CSMD1: variants seen among roughly 807,000 people sequenced by gnomAD.
CSMD1 encodes the protein CUB and sushi domain-containing protein 1.
A neutral mutation model predicts 417.5 loss-of-function variants in CSMD1; 213 were observed. The ratio of observed to expected loss-of-function variants is 0.51; its 90% CI spans 0.46 to 0.57. CSMD1 has a LOEUF of 0.57. Among genes scored for constraint, CSMD1 ranks in the 20% least tolerant of loss-of-function variants. CSMD1 has a pLI of 0.00. For synonymous variants in CSMD1, 2,862 were observed against 1,736.8 expected, an observed-to-expected ratio of 1.65 and a Z score of -16.11; for missense variants, 6,923 against 4,529.7, an observed-to-expected ratio of 1.53 and a Z score of -15.17.
intron 3 of CSMD1, among the ~76,000 whole-genome samples, chr8:4,325,163 G>A (rs1008455470): frequency 5.9e-5 from 9 of 152,228 alleles, no homozygotes; most frequent in African/African-American, 9.6e-5. Flanking sequence ...GGGGAAAGAG[G>A]AGAAAAATAA....
chr8:3,675,939 C>A (rs1279908362), intron 7 of CSMD1, among the ~76,000 whole-genome samples: 1 of 152,110 alleles, frequency 6.6e-6, no homozygotes, highest in East Asian at 1.9e-4. Context: ...AGTAATGTAC[C>A]TGAGTATTAT....
chr8:4,541,465 T>C (rs1797381693), intron 2 of CSMD1, among the ~76,000 whole-genome samples: 1 of 152,128 alleles, frequency 6.6e-6, no homozygotes, highest in Non-Finnish European at 1.5e-5. Flanking sequence ...TTATCAAAAA[T>C]CGGTAGGCGT....
intron 2 of CSMD1, among the ~76,000 whole-genome samples, chr8:4,603,648 A>G (rs1328094863): frequency 2.0e-5 from 3 of 152,134 alleles, no homozygotes; most frequent in Non-Finnish European, 4.4e-5. Flanking sequence ...ATTCAAAAGT[A>G]CCTTAAAATG....
intron 7 of CSMD1, among the ~76,000 whole-genome samples, chr8:3,642,338 G>A (rs1442949169): frequency 6.6e-6 from 1 of 152,136 alleles, no homozygotes; most frequent in African/African-American, 2.4e-5. Context: ...CCACCTTGGT[G>A]CTGTGGGGAG....
intron 11 of CSMD1, among the ~76,000 whole-genome samples, chr8:3,473,190 T>C (rs59029276): frequency 0.22 from 32,980 of 152,204 alleles, 4,116 homozygotes; most frequent in Non-Finnish European, 0.27. Context: ...TACTGAACTT[T>C]GCTTTAATTT....
rs78782441 is a variant in CSMD1, at chr8:3,645,092, A to T, written c.1010-28295T>A. The stretch of plus-strand genomic sequence containing the variant: ...CCTTCTTACCATCTTGAATTGCACA[A>T]CTTCTGTCCTGAAGCCTGCTAAGGC... On this transcript the variant is annotated intron_variant, in intron 7 of 69. Transcript: ENST00000635120. Among the ~76,000 whole-genome samples the T allele has an allele frequency of 1.9e-3, 285 of 151,946 alleles. 1 individual carries two copies. Among genetic ancestry groups the T allele is most frequent in the African/African-American group, 6.6e-3 (273 of 41,390 alleles).
chr8:4,987,281 A>T (rs1811227134), intron 1 of CSMD1, among the ~76,000 whole-genome samples: 1 of 152,196 alleles, frequency 6.6e-6, no homozygotes, highest in African/African-American at 2.4e-5. Context: ...AGGCACACAA[A>T]GTTTACATAG....
intron 5 of CSMD1, among the ~76,000 whole-genome samples, chr8:3,871,505 G>A (rs1223984707): frequency 6.6e-6 from 1 of 152,006 alleles, no homozygotes; most frequent in East Asian, 1.9e-4. Context: ...ATAAACATTT[G>A]TATCTCCATA....
intron 5 of CSMD1, among the ~76,000 whole-genome samples, chr8:3,842,476 T>C (rs938776890): frequency 6.6e-6 from 1 of 152,166 alleles, no homozygotes; most frequent in Non-Finnish European, 1.5e-5. Context: ...TCATTACTAG[T>C]ATTAAATATT....
intron 18 of CSMD1, chr8:3,373,404 A>G (rs199527864): frequency 3.9e-5 from 6 of 152,346 alleles, no homozygotes; most frequent in East Asian, 3.9e-4. Context: ...TTAGATTTAT[A>G]TGGGTGCAAA....
At chr8:3,955,730 T>G (rs2688336) in intron 5 of CSMD1, among the ~76,000 whole-genome samples, 1 of 151,978 alleles carries the variant, frequency 6.6e-6, no homozygotes, top group Non-Finnish European at 1.5e-5. Context: ...GAGAACTGCC[T>G]CAAGTAAGAA....
chr8:4,127,445 G>C (rs1437622729), intron 3 of CSMD1, among the ~76,000 whole-genome samples: 8 of 97,136 alleles, frequency 8.2e-5, no homozygotes, highest in African/African-American at 3.0e-4. Flanking sequence ...AGTTTTCCAA[G>C]CATTAATGAA....
chr8:3,129,569 G>A (rs559820373), intron 41 of CSMD1, among the ~76,000 whole-genome samples: 1 of 151,270 alleles, frequency 6.6e-6, no homozygotes, highest in East Asian at 2.0e-4. Flanking sequence ...GAGGTCAGGA[G>A]TTCAAGACCA....
chr8:3,306,394 G>A (rs75354003), intron 25 of CSMD1, among the ~76,000 whole-genome samples: 3,711 of 152,170 alleles, frequency 0.024, 55 homozygotes, highest in Middle Eastern at 0.048. Context: ...GGCTGATCTC[G>A]AACTACTGAT....
At chr8:3,499,402 C>T (rs150546766) in intron 10 of CSMD1, among the ~76,000 whole-genome samples, 1 of 152,166 alleles carries the variant, frequency 6.6e-6, no homozygotes, top group African/African-American at 2.4e-5. Flanking sequence ...CTCTGCTTCT[C>T]AGTGGAATGA....
chr8:3,918,314 C>T (rs940858522), intron 5 of CSMD1, among the ~76,000 whole-genome samples: 1 of 152,074 alleles, frequency 6.6e-6, no homozygotes, highest in Non-Finnish European at 1.5e-5. Context: ...ATTTACATTC[C>T]TACCACCAGT....
At chr8:4,020,343 C>G (rs1437991160) in intron 4 of CSMD1, among the ~76,000 whole-genome samples, 3 of 152,214 alleles carry the variant, frequency 2.0e-5, no homozygotes, top group African/African-American at 2.4e-5. Context: ...CCCCTTCTTT[C>G]TGTGCTCAAG....
At chr8:3,314,582 ATTTC>A (rs1207324083) in intron 23 of CSMD1, among the ~76,000 whole-genome samples, 1 of 152,188 alleles carries the variant, frequency 6.6e-6, no homozygotes, top group East Asian at 1.9e-4. Context: ...TAGTAATTCT[ATTTC>A]TTTGTTTTCT....
chr8:2,954,299 A>C (rs1466524470), intron 64 of CSMD1, 31 bp from the exon 65 acceptor site: 1 of 1,286,346 alleles, frequency 7.8e-7, no homozygotes, highest in East Asian at 2.5e-5. Flanking sequence ...TATCATTTTA[A>C]AAAAAACATT....
Sources: gnomAD v4.1 joint callset for allele counts (sites outside exome capture counted in the v4.1 genomes callset) on GRCh38, gnomAD v4.1.1 for gene constraint, MANE v1.5 for transcripts, NCBI Gene and HGNC (gene_info 2026-07-23, HGNC 2026-07-21) for gene names.